The following WAC variants were observed in gnomAD, a reference collection of about 807,000 sequenced individuals.
WAC encodes the protein WW domain containing adaptor with coiled-coil.
WAC carries 11 observed loss-of-function variants against 79.6 expected under a neutral mutation model. The observed-to-expected ratio is 0.14, with a 90% CI of 0.09 to 0.23. The LOEUF is 0.23. Ranked by LOEUF, WAC falls within the 10% of genes least tolerant of loss-of-function variation. The pLI, the probability that WAC is intolerant of heterozygous loss-of-function variation, is 1.00. For synonymous variants in WAC, 304 were observed against 276.9 expected (o/e 1.10, Z -0.97); for missense variants, 728 against 773.5 (o/e 0.94, Z 0.70).
intron 7 of WAC, among the ~76,000 whole-genome samples, chr10:28,603,933 CAAAA>C (rs1312613029): frequency 0.029 from 517 of 17,990 alleles, 59 homozygotes; most frequent in African/African-American, 0.13. Context: ...GACTCCGTCT[CAAAA>C]AAAAAATATA....
In WAC at chr10:28,595,715, T is replaced by C. The variant is rs1459496504; in HGVS notation, c.611-18T>C. 44 of 1,602,908 alleles carry C rather than the reference T, an allele frequency of 2.7e-5. No homozygotes were observed. The highest frequency in any genetic ancestry group is 3.7e-5 in the Non-Finnish European group (43 of 1,172,296). On this transcript the variant is annotated intron_variant, in intron 6 of 13. Transcript: ENST00000354911. Reference sequence around the variant, plus strand: ...TTCTGTCATTCCAACATCTGTTTTTTCGAACTGTGAACTAAAGTGGAAGAC... The same window carrying C: ...TTCTGTCATTCCAACATCTGTTTTTCCGAACTGTGAACTAAAGTGGAAGAC...
intron 13 of WAC, 64 bp from the exon 14 acceptor site, chr10:28,619,473 A>T: frequency 8.0e-7 from 1 of 1,244,190 alleles, no homozygotes; most frequent in Non-Finnish European, 1.1e-6. Flanking sequence ...TAATTATAAA[A>T]GCTCGGGTTT....
intron 3 of WAC, among the ~76,000 whole-genome samples, chr10:28,540,014 A>G (rs754824055): frequency 6.6e-6 from 1 of 152,216 alleles, no homozygotes; most frequent in Non-Finnish European, 1.5e-5. Flanking sequence ...AATATAATTT[A>G]GTAACGTTTG....
At chr10:28,538,206 T>C (rs1456283174) in intron 3 of WAC, 1 of 163,990 alleles carries the variant, frequency 6.1e-6, no homozygotes. Flanking sequence ...TTATTGCTAA[T>C]GATGTGTTTG....
intron 7 of WAC, among the ~76,000 whole-genome samples, chr10:28,604,368 C>T (rs569347231): frequency 6.7e-4 from 102 of 151,978 alleles, no homozygotes; most frequent in African/African-American, 2.2e-3. Context: ...CATTAACTGG[C>T]ACCCAGGCAG....
intron 3 of WAC, among the ~76,000 whole-genome samples, chr10:28,575,574 C>T (rs955650783): frequency 2.0e-5 from 3 of 152,202 alleles, no homozygotes; most frequent in African/African-American, 7.2e-5. Context: ...TGCATTTCCC[C>T]AATGGCTAAT....
At chr10:28,580,304 G>C (rs771279938) in intron 3 of WAC, among the ~76,000 whole-genome samples, 1 of 152,188 alleles carries the variant, frequency 6.6e-6, no homozygotes, top group African/African-American at 2.4e-5. Context: ...TAATTAATTG[G>C]AATGCTTGTC....
At chr10:28,590,608 C>T in intron 5 of WAC, 112 bp from the exon 6 acceptor site, 1 of 827,110 alleles carries the variant, frequency 1.2e-6, no homozygotes, top group Non-Finnish European at 1.9e-6. Context: ...ACCATGTTCA[C>T]TCCTTTTGTT....
intron 3 of WAC, among the ~76,000 whole-genome samples, chr10:28,536,889 C>A (rs1434947071): frequency 1.3e-5 from 2 of 152,176 alleles, no homozygotes; most frequent in Non-Finnish European, 2.9e-5. Flanking sequence ...TTAAAAGCTT[C>A]CAAGGAAACT....
intron 6 of WAC, among the ~76,000 whole-genome samples, chr10:28,593,279 T>C (rs1002278485): frequency 3.3e-5 from 5 of 152,176 alleles, no homozygotes; most frequent in African/African-American, 1.2e-4. Flanking sequence ...GAGTGTTACC[T>C]TGTGTTTCGG....
At chr10:28,612,696 G>A (rs1462734925) in intron 10 of WAC, among the ~76,000 whole-genome samples, 2 of 151,646 alleles carry the variant, frequency 1.3e-5, no homozygotes, top group African/African-American at 2.4e-5. Flanking sequence ...AAGTCTTCCC[G>A]TTTGTTCATC....
chr10:28,600,797 A>T (rs1276200166), intron 7 of WAC, among the ~76,000 whole-genome samples: 2 of 152,136 alleles, frequency 1.3e-5, no homozygotes, highest in Non-Finnish European at 2.9e-5. Flanking sequence ...GACAGGAGAA[A>T]ATACTTGCGA....
At chr10:28,603,126 A>G (rs1334799292) in intron 7 of WAC, among the ~76,000 whole-genome samples, 26 of 152,236 alleles carry the variant, frequency 1.7e-4, no homozygotes. Flanking sequence ...GTGATTTTGA[A>G]AGACCATTTA....
At chr10:28,613,195 G>A (rs1350011336) in intron 10 of WAC, among the ~76,000 whole-genome samples, 4 of 152,092 alleles carry the variant, frequency 2.6e-5, no homozygotes, top group African/African-American at 4.8e-5. Context: ...GGCAAAACCC[G>A]GTCTCTACTA....
chr10:28,603,985 ATATG>A (rs1380689348), intron 7 of WAC, among the ~76,000 whole-genome samples: 2,302 of 36,172 alleles, frequency 0.064, 173 homozygotes, highest in African/African-American at 0.12. Flanking sequence ...ATATATATAT[ATATG>A]TATATATATA....
chr10:28,577,052 A>G (rs1386165301), intron 3 of WAC, among the ~76,000 whole-genome samples: 7 of 152,204 alleles, frequency 4.6e-5, no homozygotes, highest in African/African-American at 1.4e-4. Context: ...GCACAAATGT[A>G]GAGGGAGTAA....
intron 7 of WAC, among the ~76,000 whole-genome samples, chr10:28,602,622 C>T (rs571352349): frequency 1.3e-5 from 2 of 152,256 alleles, no homozygotes; most frequent in South Asian, 2.1e-4. Context: ...ATTAGAAGTG[C>T]ACTTATTACC....
intron 3 of WAC, among the ~76,000 whole-genome samples, chr10:28,579,474 G>C (rs141637430): frequency 2.0e-5 from 3 of 152,218 alleles, no homozygotes; most frequent in South Asian, 2.1e-4. Context: ...GCTCTTACTG[G>C]ATAGGTTCAG....
At position 28,622,238 on chromosome 10, in the gene WAC, C is replaced by T. The variant is rs1330396714; in HGVS notation, c.*2632C>T. ...TGTGGAAATATTTTAAATATTGCACCTTAATACAAGGTATCCAGCTCCTAA... is the reference window on the plus strand; with the variant it reads ...TGTGGAAATATTTTAAATATTGCACTTTAATACAAGGTATCCAGCTCCTAA... On this transcript the variant is annotated 3_prime_UTR_variant, in exon 14 of 14. Transcript: ENST00000354911. The T allele has an allele frequency of 2.0e-5, 3 of 151,906 alleles. No homozygotes were observed. The highest frequency in any genetic ancestry group is 1.3e-4 in the Admixed American group (2 of 15,238). The allele number at this position is 151,906 out of a possible 1,614,324, so 9.4% of individuals were successfully genotyped here.
Sources: allele counts gnomAD v4.1 joint callset (sites outside exome capture counted in the v4.1 genomes callset), GRCh38; gene constraint gnomAD v4.1.1; transcripts MANE v1.5; gene names NCBI Gene and HGNC (gene_info 2026-07-23, HGNC 2026-07-21).